HIVEP3: variants seen among roughly 807,000 people sequenced by gnomAD.
HIVEP3 encodes the protein transcription factor HIVEP3.
Under a neutral mutation model 152.8 loss-of-function variants are expected in HIVEP3, and 49 were observed. The observed-to-expected ratio is 0.32, with a 90% CI of 0.26 to 0.41. The LOEUF is 0.41. HIVEP3 is among the 10% of genes least tolerant of loss of function. The pLI is 1.00. For synonymous variants in HIVEP3, 1,269 were observed against 1,289.0 expected (o/e 0.98, Z 0.33); for missense variants, 2,790 against 3,103.3 (o/e 0.90, Z 2.40).
chr1:41,548,318 G>A (rs535168626), intron 5 of HIVEP3, among the ~76,000 whole-genome samples: 1 of 152,266 alleles, frequency 6.6e-6, no homozygotes, highest in Admixed American at 6.5e-5. Flanking sequence ...ATTCACAGGG[G>A]CATTAAGTAA....
intron 5 of HIVEP3, among the ~76,000 whole-genome samples, chr1:41,567,585 C>T (rs1644185696): frequency 6.6e-6 from 1 of 152,180 alleles, no homozygotes; most frequent in South Asian, 2.1e-4. Flanking sequence ...AGGCAGGGCC[C>T]TGATAGCCTA....
chr1:41,513,588 G>T lies in HIVEP3; in HGVS notation c.5633C>A (p.Ser1878Tyr). 1 of 1,613,632 alleles carries T rather than the reference G, an allele frequency of 6.2e-7. No homozygotes were observed. The highest frequency in any genetic ancestry group is 8.5e-7 in the Non-Finnish European group (1 of 1,179,924). Residue 1878 changes from serine to tyrosine, a missense_variant, in exon 8 of 9, where the codon TCC (serine) becomes TAC (tyrosine). Ser to Tyr is a moderately radical substitution (Grantham distance 144). Transcript: ENST00000372583. Reference sequence around the variant, plus strand: ...TGGGCCAGGCGGGGGCGCCTCTGAGGATGGTCTGGACAGCTCATCCTGGCT... The same window carrying T: ...TGGGCCAGGCGGGGGCGCCTCTGAGTATGGTCTGGACAGCTCATCCTGGCT... ...EESQDELSRP[S>Y]SEAPPPGPPH...
chr1:41,596,996 A>G (rs6600382), intron 3 of HIVEP3, among the ~76,000 whole-genome samples: 30,873 of 152,004 alleles, frequency 0.2, 4,042 homozygotes, highest in African/African-American at 0.38. Flanking sequence ...TCAATAATGA[A>G]TGGTGGATTT....
intron 1 of HIVEP3, among the ~76,000 whole-genome samples, chr1:41,863,124 C>T (rs1377512088): frequency 3.3e-5 from 5 of 152,212 alleles, no homozygotes; most frequent in East Asian, 3.8e-4. Context: ...CGTTCCCAGA[C>T]GCAGAGTCAT....
rs558804462 is a variant in HIVEP3 at position 41,680,601 on chromosome 1, G to A, written c.-721+20315C>T. ...GGAAACACAAACCACACCTCTGCAT[G>A]GAAACTGCCCTGTGCTCTGCTCTGT... On this transcript the variant is annotated intron_variant, in intron 2 of 8. Transcript: ENST00000372583. Among the ~76,000 whole-genome samples, 4 of 152,322 alleles carry A rather than the reference G, an allele frequency of 2.6e-5. 1 individual carries two copies. Among genetic ancestry groups the A allele is most frequent in the Admixed American group, 2.6e-4 (4 of 15,302 alleles).
chr1:41,848,590 G>C (rs1350804385), intron 1 of HIVEP3: 3 of 152,474 alleles, frequency 2.0e-5, no homozygotes, highest in African/African-American at 7.2e-5. Flanking sequence ...AGGGCAACAG[G>C]GTGGAAGGGT....
chr1:41,856,601 C>A (rs1643773931), intron 1 of HIVEP3, among the ~76,000 whole-genome samples: 2 of 152,206 alleles, frequency 1.3e-5, no homozygotes, highest in South Asian at 4.1e-4. Flanking sequence ...CTCAGCATGC[C>A]ACAAATTCCG....
At chr1:41,526,938 C>T (rs1642966813) in intron 5 of HIVEP3, among the ~76,000 whole-genome samples, 1 of 144,446 alleles carries the variant, frequency 6.9e-6, no homozygotes, top group Non-Finnish European at 1.5e-5. Flanking sequence ...CATGCTCACC[C>T]TCACACATGC....
intron 5 of HIVEP3, among the ~76,000 whole-genome samples, chr1:41,530,017 ACT>A (rs1427407127): frequency 2.1e-5 from 3 of 140,554 alleles, no homozygotes; most frequent in Admixed American, 7.2e-5. Context: ...TCATTTGCAC[ACT>A]CAGACCACAC....
rs374547284 is a variant in HIVEP3, at chr1:41,510,457, G to A, written c.7215C>T (p.Asn2405=). The A allele has an allele frequency of 4.7e-5, 71 of 1,497,230 alleles. No homozygotes were observed. The highest frequency in any genetic ancestry group is 1.0e-4 in the African/African-American group (7 of 70,334). 92.7% of individuals were successfully genotyped at this position (1,497,230 alleles called of 1,614,324 possible). The change falls in exon 9 of 9, where the codon AAC becomes AAT. Residue 2405 remains asparagine, a synonymous_variant. Coordinates refer to ENST00000372583, the MANE Select transcript of HIVEP3 (RefSeq NM_024503.5). ...PHQPEDRVPP[N]A ...TGAAGCAGTTGGAGAGAGGCTAAGC[G>A]TTGGGGGGAACCCTGTCCTCAGGCT...
intron 2 of HIVEP3, among the ~76,000 whole-genome samples, chr1:41,635,906 C>A (rs527765261): frequency 1.3e-4 from 20 of 152,102 alleles, no homozygotes; most frequent in African/African-American, 4.8e-4. Flanking sequence ...GGGAGAAAAC[C>A]TAGGTAGACT....
intron 1 of HIVEP3, among the ~76,000 whole-genome samples, chr1:41,779,990 C>T (rs1648944537): frequency 6.6e-6 from 1 of 152,146 alleles, no homozygotes; most frequent in Admixed American, 6.5e-5. Context: ...CTGTCCCCCA[C>T]AGGGTTTGAA....
At chr1:41,879,575 C>G (rs193140498) in intron 1 of HIVEP3, among the ~76,000 whole-genome samples, 1 of 152,176 alleles carries the variant, frequency 6.6e-6, no homozygotes, top group Non-Finnish European at 1.5e-5. Flanking sequence ...AGCAGGAACA[C>G]CCTGGTCTAG....
rs374566917 is a variant in HIVEP3, at chr1:41,510,930, C to G, written c.6742G>C (p.Glu2248Gln). 2 of 1,613,592 alleles carry G rather than the reference C, an allele frequency of 1.2e-6. No homozygotes were observed. Among genetic ancestry groups the G allele is most frequent in the Non-Finnish European group, 8.5e-7 (1 of 1,179,884 alleles). The change falls in exon 9 of 9, where the codon GAG (glutamate) becomes CAG (glutamine). Residue 2248 changes from glutamate (E) to glutamine (Q), a missense_variant. This residue lies in a region of HIVEP3 where 816 missense variants were observed against 806.5 expected (regional missense o/e 1.01). Coordinates refer to ENST00000372583, the MANE Select transcript of HIVEP3 (RefSeq NM_024503.5). ...AQERGRWSPT[E>Q]SSSASVSPVA... ...GGCGACACGGAGGCTGACGAGCTCTCAGTGGGACTCCAGCGGCCTCGCTCC... is the reference window on the plus strand; with the variant it reads ...GGCGACACGGAGGCTGACGAGCTCTGAGTGGGACTCCAGCGGCCTCGCTCC...
chr1:41,991,855 A>G lies in HIVEP3; in HGVS notation n.119+43952T>C, dbSNP rs2124517416. 3.3e-5 allele frequency among the ~76,000 whole-genome samples: 4 copies of G among 122,298 alleles called. No individual in the cohort carries two copies. In the South Asian group the frequency reaches 9.2e-4, roughly 28 times the overall value. 80.2% of individuals were successfully genotyped at this position (122,298 alleles called of 152,430 possible). On this transcript the variant is annotated intron_variant and non_coding_transcript_variant, in intron 1 of 3. Coordinates refer to the HIVEP3 transcript ENST00000489103. ...AAGGCTGGTTCAATATACGCAAATCAATAAATGTAATCCAGCATATAAACA... is the reference window on the plus strand; with the variant it reads ...AAGGCTGGTTCAATATACGCAAATCGATAAATGTAATCCAGCATATAAACA...
At chr1:41,811,366 G>T (rs1297432969) in intron 1 of HIVEP3, among the ~76,000 whole-genome samples, 1 of 150,854 alleles carries the variant, frequency 6.6e-6, no homozygotes, top group Non-Finnish European at 1.5e-5. Context: ...CTTGTTTGTT[G>T]TATTTCCTAG....
chr1:42,017,675 T>G (rs566992122), intron 1 of HIVEP3, among the ~76,000 whole-genome samples: 2 of 152,316 alleles, frequency 1.3e-5, no homozygotes, highest in East Asian at 3.9e-4. Flanking sequence ...TTTGGATATC[T>G]GGGTTGCTTC....
chr1:41,562,558 T>C (rs201513778), intron 5 of HIVEP3, among the ~76,000 whole-genome samples: 4 of 126,890 alleles, frequency 3.2e-5, no homozygotes, highest in South Asian at 2.7e-4. Flanking sequence ...TCCTTCCTTC[T>C]TTCCTTCTTT....
At chr1:41,778,954 A>G (rs923470186) in intron 1 of HIVEP3, among the ~76,000 whole-genome samples, 1 of 152,150 alleles carries the variant, frequency 6.6e-6, no homozygotes, top group African/African-American at 2.4e-5. Flanking sequence ...CAGGTGGAGG[A>G]AACAGCATAT....
Sources: gnomAD v4.1 joint callset for allele counts (sites outside exome capture counted in the v4.1 genomes callset) on GRCh38, gnomAD v4.1.1 for gene constraint, gnomAD v4.1.1 regional missense constraint, MANE v1.5 for transcripts, NCBI Gene and HGNC (gene_info 2026-07-23, HGNC 2026-07-21) for gene names.